The following TEX14 variants were observed in gnomAD, a reference collection of about 807,000 sequenced individuals.
The protein encoded by TEX14 is inactive serine/threonine-protein kinase TEX14.
TEX14 carries 168 observed loss-of-function variants against 178.6 expected under a neutral mutation model. The ratio of observed to expected loss-of-function variants is 0.94; its 90% CI spans 0.83 to 1.07. TEX14 has a LOEUF of 1.07. TEX14 is among the 50% of genes least tolerant of loss of function. The pLI, the probability that TEX14 is intolerant of heterozygous loss-of-function variation, is 0.00. For missense variants in TEX14, 1,730 were observed against 1,753.6 expected (o/e 0.99, Z 0.24); for synonymous variants, 626 against 634.1 (o/e 0.99, Z 0.19).
chr17:58,599,507 C>A lies in TEX14; in HGVS notation c.1838G>T (p.Gly613Val), dbSNP rs868611715. 6 of 1,613,962 alleles carry A rather than the reference C, an allele frequency of 3.7e-6. No individual in the cohort carries two copies. Among genetic ancestry groups the A allele is most frequent in the Non-Finnish European group, 5.1e-6 (6 of 1,179,988 alleles). The change falls in exon 14 of 32, where the codon GGT (glycine) becomes GTT (valine). Residue 613 changes from glycine (G) to valine (V), a missense_variant. By Grantham distance (109) the Gly-to-Val change is moderately radical (BLOSUM62 -3). This residue lies in a region of TEX14 where 941 missense variants were observed against 1,072.4 expected (regional missense o/e 0.88). Coordinates refer to ENST00000349033, the MANE Select transcript of TEX14 (RefSeq NM_031272.5). ...MAEEASSPST[G>V]QPSLCSFEIN... Reference sequence around the variant, plus strand: ...TTCGAAACTGCAGAGGCTTGGCTGACCTGTGCTGGGGCTGCTGGCCTCTTC... The same window carrying A: ...TTCGAAACTGCAGAGGCTTGGCTGAACTGTGCTGGGGCTGCTGGCCTCTTC...
chr17:58,613,489 G>C lies in TEX14; in HGVS notation c.937C>G (p.Leu313Val). 3 of 1,614,140 alleles carry C rather than the reference G, an allele frequency of 1.9e-6. No individual in the cohort carries two copies. The highest frequency in any genetic ancestry group is 1.7e-6 in the Non-Finnish European group (2 of 1,180,018). The change falls in exon 9 of 32, where the codon CTA becomes GTA. Residue 313 changes from leucine (L) to valine (V), a missense_variant. Leu to Val is a conservative substitution (Grantham distance 32). This residue lies in a region of TEX14 where 789 missense variants were observed against 681.2 expected (regional missense o/e 1.16). Transcript: ENST00000349033. Reference sequence around the variant, plus strand: ...TCGTACACAAGGCGGGTTTTCTCTAGGTCCTGGGAGAGACACACAGCCATC... The same window carrying C: ...TCGTACACAAGGCGGGTTTTCTCTACGTCCTGGGAGAGACACACAGCCATC... ...QLMAVCLSQD[L>V]EKTRLVYERI...
intron 1 of TEX14, among the ~76,000 whole-genome samples, chr17:58,682,454 T>C (rs1485871680): frequency 2.0e-5 from 3 of 151,730 alleles, no homozygotes; most frequent in African/African-American, 7.3e-5. Flanking sequence ...GATGGGTTTT[T>C]GCCATGTTGG....
rs751209039 is a variant in TEX14, at chr17:58,605,085, G to A, written c.1229C>T (p.Pro410Leu). 4.3e-6 allele frequency: 7 copies of A among 1,614,052 alleles called. No individual in the cohort carries two copies. The South Asian group carries it at 5.5e-5, about 13-fold the overall frequency. The stretch of plus-strand genomic sequence containing the variant: ...TGCGGCCCAGTTGTATAGCTGCGTA[G>A]GAAGGGGCACTCGAGTCAGGTCCCT... ...VQRDLTRVPL[P>L]TQLYNWAAPE... The change falls in exon 11 of 32, where the codon CCT (proline) becomes CTT (leucine). Residue 410 changes from proline (P) to leucine (L), a missense_variant. Transcript: ENST00000349033.
Position 58,602,595 on chromosome 17 carries a change from A to G in TEX14, c.1337-5T>C. The stretch of plus-strand genomic sequence containing the variant: ...AGCCCTTCCAGGGTATGTCATCTGT[A>G]AGGAAAAAGTCATACAAAAGAGTAA... On this transcript the variant is annotated splice_polypyrimidine_tract_variant and splice_region_variant and intron_variant, in intron 11 of 31. Coordinates refer to ENST00000349033, the MANE Select transcript of TEX14 (RefSeq NM_031272.5). 6.2e-7 allele frequency: 1 copy of G among 1,605,656 alleles called. No individual in the cohort carries two copies. Among genetic ancestry groups the G allele is most frequent in the Non-Finnish European group, 8.5e-7 (1 of 1,175,592 alleles).
Position 58,556,861 on chromosome 17 carries a change from C to T in TEX14, c.*150G>A, listed in dbSNP as rs996557975. The T allele has an allele frequency of 1.2e-5, 8 of 652,698 alleles. No individual in the cohort carries two copies. The highest frequency in any genetic ancestry group is 5.5e-5 in the African/African-American group (3 of 54,762). The allele number at this position is 652,698 out of a possible 1,614,324, so 40.4% of individuals were successfully genotyped here. Reference sequence around the variant, plus strand: ...TGTGCTGCTAACAGAGAGGGCCAAACGATGATGTCTATTGTGGCAGCTGAA... The same window carrying T: ...TGTGCTGCTAACAGAGAGGGCCAAATGATGATGTCTATTGTGGCAGCTGAA... On this transcript the variant is annotated 3_prime_UTR_variant, in exon 32 of 32. Coordinates refer to ENST00000349033, the MANE Select transcript of TEX14 (RefSeq NM_031272.5).
chr17:58,623,037 G>T lies in TEX14; in HGVS notation c.252-25C>A, dbSNP rs753490914. 14 of 1,575,530 alleles carry T rather than the reference G, an allele frequency of 8.9e-6. No individual in the cohort carries two copies. The South Asian group carries it at 1.1e-4, about 13-fold the overall frequency. ...GCTGGGGAGGGAGATGAGTACAATT[G>T]ATGTCCATGGCAATGCTCCTGCATT... is the stretch of plus-strand genomic sequence containing the variant. On this transcript the variant is annotated intron_variant, in intron 3 of 31. Coordinates refer to ENST00000349033, the MANE Select transcript of TEX14 (RefSeq NM_031272.5).
intron 20 of TEX14, among the ~76,000 whole-genome samples, 193 bp downstream of exon 20, chr17:58,579,472 T>C (rs985610342): frequency 1.3e-5 from 2 of 152,194 alleles, no homozygotes; most frequent in East Asian, 3.8e-4. Context: ...CACGTGGATG[T>C]CATGAGGTTG....
intron 1 of TEX14, among the ~76,000 whole-genome samples, chr17:58,689,465 C>T (rs942015367): frequency 2.6e-5 from 4 of 152,056 alleles, no homozygotes; most frequent in Non-Finnish European, 5.9e-5. Context: ...ATGATCCACC[C>T]GCCTTGGCCT....
chr17:58,687,391 C>T (rs1472881109), intron 1 of TEX14, among the ~76,000 whole-genome samples: 1 of 152,150 alleles, frequency 6.6e-6, no homozygotes, highest in Non-Finnish European at 1.5e-5. Context: ...TCTTTTGTCT[C>T]GTCTTTTATT....
rs1010231727 is a variant in TEX14 at position 58,602,400 on chromosome 17, C to T, written c.1527G>A (p.Lys509=). Residue 509 remains lysine (K), a splice_region_variant and synonymous_variant, in exon 12 of 32, where the codon AAG becomes AAA. Transcript: ENST00000349033. ...AACTCCCAACAACTTCAGGGCTTGC[C>T]TTTAAGTCATTCTTCAGAATATACC... ...DIRYILKNDL[K]DFTGAQRTQP... is the part of the protein sequence containing the mutation. 8.7e-6 allele frequency: 14 copies of T among 1,609,660 alleles called. No homozygotes were observed. Among genetic ancestry groups the T allele is most frequent in the Non-Finnish European group, 1.0e-5 (12 of 1,177,180 alleles).
In TEX14 at chr17:58,593,379, T is replaced by C. The variant is rs1226103428; in HGVS notation, c.2576+176A>G. 3.3e-5 allele frequency among the ~76,000 whole-genome samples: 5 copies of C among 152,186 alleles called. No homozygotes were observed. The South Asian group carries it at 6.2e-4, about 19-fold the overall frequency. On this transcript the variant is annotated intron_variant, in intron 15 of 31. Transcript: ENST00000349033. ...CTTGGGCTTTGATGTCTCCTCAAGT[T>C]CCCATGACACTGCTCTTCCTACTCA...
In TEX14 at chr17:58,559,533, C is replaced by T. The variant is rs1240881148; in HGVS notation, c.4187G>A (p.Gly1396Asp). 1.3e-6 allele frequency: 2 copies of T among 1,574,176 alleles called. No individual in the cohort carries two copies. Among genetic ancestry groups the T allele is most frequent in the East Asian group, 2.2e-5 (1 of 44,546 alleles). ...ATCTTCCCTTTTTCTTTTCTCTTCA[C>T]CAACTTTTTGATCTTTGATATTTGT... The part of the protein sequence containing the change: ...RETNIKDQKV[G>D]EEKRKREDSI... Residue 1396 changes from glycine to aspartate, a missense_variant, in exon 30 of 32, where the codon GGT (glycine) becomes GAT (aspartate). Gly to Asp is a moderately conservative substitution (Grantham distance 94, BLOSUM62 -1). Around this residue, in one of 2 missense-constraint regions of TEX14, gnomAD observed 941 missense variants for 1,072.4 expected, o/e 0.88. Coordinates refer to ENST00000349033, the MANE Select transcript of TEX14 (RefSeq NM_031272.5).
intron 2 of TEX14, among the ~76,000 whole-genome samples, chr17:58,644,327 G>C (rs1322366459): frequency 6.6e-6 from 1 of 152,060 alleles, no homozygotes; most frequent in Non-Finnish European, 1.5e-5. Context: ...CTTACTTTTG[G>C]CTGTTTTTGT....
intron 8 of TEX14, among the ~76,000 whole-genome samples, chr17:58,614,546 T>C (rs950857259): frequency 1.3e-5 from 2 of 152,208 alleles, no homozygotes; most frequent in Admixed American, 6.5e-5. Flanking sequence ...TAAGGTTGCA[T>C]GCCCAACTCA....
chr17:58,571,252 T>TTG (rs2044519290), intron 24 of TEX14, among the ~76,000 whole-genome samples: 1 of 149,504 alleles, frequency 6.7e-6, no homozygotes. Context: ...TTTTTTTTTT[T>TTG]GGAGACAGGG....
intron 29 of TEX14, 45 bp from the exon 30 acceptor site, chr17:58,559,607 C>T: frequency 1.1e-6 from 1 of 910,438 alleles, no homozygotes; most frequent in Non-Finnish European, 1.8e-6. Flanking sequence ...TACACAACAG[C>T]CAAGAAAACA....
Position 58,585,720 on chromosome 17 carries a change from G to A in TEX14, c.3070+81C>T, listed in dbSNP as rs1027500913. On this transcript the variant is annotated intron_variant, in intron 18 of 31. Transcript: ENST00000349033. ...ATCCGCTCGCCTCACCTCCCAAAGT[G>A]CTGGAATTACAGGCTGAGCCACCTC... 6 of 1,433,578 alleles carry A rather than the reference G, an allele frequency of 4.2e-6. No individual in the cohort carries two copies. The African/African-American group carries it at 8.6e-5, about 21-fold the overall frequency. 88.8% of individuals were successfully genotyped at this position (1,433,578 alleles called of 1,614,324 possible). A position where few individuals can be genotyped will look rare whatever the true frequency, so the allele number is the denominator to read the frequency against.
intron 6 of TEX14, 89 bp from the exon 7 acceptor site, chr17:58,616,394 G>A: frequency 6.7e-7 from 1 of 1,502,526 alleles, no homozygotes; most frequent in Non-Finnish European, 8.9e-7. Context: ...AAAAGAATGA[G>A]AGCTGCTATT....
At chr17:58,629,904 GTTT>G (rs369488113) in intron 3 of TEX14, among the ~76,000 whole-genome samples, 2 of 126,036 alleles carry the variant, frequency 1.6e-5, no homozygotes, top group African/African-American at 3.1e-5. Context: ...CGTGTTTCGT[GTTT>G]TTTTTTTTTC....
Sources: allele counts gnomAD v4.1 joint callset (sites outside exome capture counted in the v4.1 genomes callset), GRCh38; gene constraint gnomAD v4.1.1; regional missense constraint gnomAD v4.1.1; transcripts MANE v1.5; gene names NCBI Gene and HGNC (gene_info 2026-07-23, HGNC 2026-07-21).